MEMO1: variants seen among roughly 807,000 people sequenced by gnomAD.
The protein encoded by MEMO1 is mediator of cell motility 1, also known as protein MEMO1.
A neutral mutation model predicts 45.2 loss-of-function variants in MEMO1; 6 were observed. The ratio of observed to expected loss-of-function variants is 0.13; its 90% CI spans 0.07 to 0.26. The LOEUF (loss-of-function observed/expected upper bound fraction) is 0.26, where lower values mean the gene tolerates loss of function less well. Ranked by LOEUF, MEMO1 falls within the 10% of genes least tolerant of loss-of-function variation. The pLI is 1.00. For missense variants in MEMO1, 184 were observed against 370.5 expected (o/e 0.50, Z 4.13); for synonymous variants, 78 against 124.3 (o/e 0.63, Z 2.48).
chr2:31,923,852 C>A, intron 4 of MEMO1: 1 of 1,222,038 alleles, frequency 8.2e-7, no homozygotes, highest in Non-Finnish European at 1.1e-6. Context: ...AGATACACTG[C>A]TCCAGAAATA....
At chr2:31,914,245 A>C (rs1248762719) in intron 6 of MEMO1, among the ~76,000 whole-genome samples, 1 of 152,198 alleles carries the variant, frequency 6.6e-6, no homozygotes, top group Non-Finnish European at 1.5e-5. Context: ...CAAATTTCCA[A>C]ACTATAGAAT....
chr2:31,962,485 T>C (rs1238448989), intron 2 of MEMO1, among the ~76,000 whole-genome samples: 1 of 152,190 alleles, frequency 6.6e-6, no homozygotes, highest in East Asian at 1.9e-4. Context: ...TAAGTTTTCA[T>C]TCTATGCTTC....
rs148712551 is a variant in MEMO1, at chr2:31,966,278, T to C, written c.62-22895A>G. On this transcript the variant is annotated intron_variant, in intron 2 of 9. Coordinates refer to ENST00000404530, the MANE Select transcript of MEMO1 (RefSeq NM_001301833.4). ...CCTCCACTGTTTAAATAGAGACTTA[T>C]TTTAGGATGAACAGAATTTTACTAA... Among the ~76,000 whole-genome samples, 339 of 152,322 alleles carry C rather than the reference T, an allele frequency of 2.2e-3. 1 individual carries two copies. The highest frequency in any genetic ancestry group is 0.02 in the Middle Eastern group (6 of 294).
At chr2:31,913,618 A>C (rs1680961267) in intron 6 of MEMO1, among the ~76,000 whole-genome samples, 1 of 152,056 alleles carries the variant, frequency 6.6e-6, no homozygotes, top group South Asian at 2.1e-4. Flanking sequence ...TAAAGTACTG[A>C]AAATGGCAAG....
chr2:31,971,756 G>C (rs772628205), intron 2 of MEMO1, among the ~76,000 whole-genome samples: 1 of 152,152 alleles, frequency 6.6e-6, no homozygotes, highest in Non-Finnish European at 1.5e-5. Context: ...GATTACCTGA[G>C]GTCAGGAGTT....
chr2:31,974,475 G>A lies in MEMO1; in HGVS notation c.62-31092C>T, dbSNP rs1176926711. Among the ~76,000 whole-genome samples the A allele has an allele frequency of 3.3e-5, 5 of 152,108 alleles. No homozygotes were observed. The East Asian group carries it at 5.8e-4, about 18-fold the overall frequency. Reference sequence around the variant, plus strand: ...AATTAAAACATTTGCGGCCGGGCACGGTGACTCACGCCTGTAATCCCAGTA... The same window carrying A: ...AATTAAAACATTTGCGGCCGGGCACAGTGACTCACGCCTGTAATCCCAGTA... On this transcript the variant is annotated intron_variant, in intron 2 of 9. Coordinates refer to ENST00000404530, the MANE Select transcript of MEMO1 (RefSeq NM_001301833.4).
At chr2:32,010,036 C>T (rs1674647770) in intron 2 of MEMO1, 151 bp downstream of exon 2, 1 of 200,672 alleles carries the variant, frequency 5.0e-6, no homozygotes, top group Non-Finnish European at 8.7e-6. Flanking sequence ...GGCCTCGGCT[C>T]GCTCCCTCCC....
intron 2 of MEMO1, among the ~76,000 whole-genome samples, chr2:31,977,636 C>A (rs1240317250): frequency 6.6e-6 from 1 of 152,126 alleles, no homozygotes; most frequent in Non-Finnish European, 1.5e-5. Context: ...GCCTCAGCCT[C>A]CCAAGTAGCT....
chr2:31,928,755 C>T (rs1683503042), intron 4 of MEMO1, among the ~76,000 whole-genome samples: 1 of 152,012 alleles, frequency 6.6e-6, no homozygotes, highest in African/African-American at 2.4e-5. Context: ...AAACTATTAG[C>T]ATTCGTTATA....
At chr2:31,931,800 GAA>G (rs1664208706) in intron 4 of MEMO1, among the ~76,000 whole-genome samples, 1 of 151,850 alleles carries the variant, frequency 6.6e-6, no homozygotes, top group Non-Finnish European at 1.5e-5. Context: ...GGTTTTCAAA[GAA>G]ATATCAAAAA....
intron 7 of MEMO1, among the ~76,000 whole-genome samples, chr2:31,884,226 C>T (rs1000252200): frequency 3.3e-5 from 5 of 152,098 alleles, no homozygotes; most frequent in African/African-American, 9.7e-5. Context: ...CTGTTTCCTA[C>T]TAGTTACATG....
chr2:31,923,873 G>C (rs922223665), intron 4 of MEMO1: 1 of 1,097,798 alleles, frequency 9.1e-7, no homozygotes, highest in Non-Finnish European at 1.2e-6. Context: ...AACACCAGAG[G>C]TCTGCTGGAA....
intron 9 of MEMO1, 141 bp from the exon 10 acceptor site, chr2:31,868,633 T>C: frequency 1.4e-6 from 1 of 707,368 alleles, no homozygotes; most frequent in Non-Finnish European, 2.1e-6. Flanking sequence ...ATTTCTCTTG[T>C]TGCATCATAT....
intron 2 of MEMO1, chr2:31,963,156 C>G (rs776935891): frequency 2.6e-6 from 4 of 1,530,012 alleles, no homozygotes; most frequent in Non-Finnish European, 3.5e-6. Context: ...GCTTCAGACT[C>G]AAAGTGAAAC....
At position 31,868,426 on chromosome 2, in the gene MEMO1, T is replaced by C; in HGVS notation, c.829A>G (p.Ser277Gly). 2 of 1,602,062 alleles carry C rather than the reference T, an allele frequency of 1.2e-6. No homozygotes were observed. The highest frequency in any genetic ancestry group is 1.7e-6 in the Non-Finnish European group (2 of 1,174,598). The change falls in exon 10 of 10, where the codon AGC becomes GGC. Residue 277 changes from serine (S) to glycine (G), a missense_variant. Ser to Gly is a moderately conservative substitution (Grantham distance 56). Around this residue, in one of 3 missense-constraint regions of MEMO1, gnomAD observed 97 missense variants for 209.3 expected, o/e 0.46. Transcript: ENST00000404530. The part of the protein sequence containing the change: ...SFSFLNYAQS[S>G]QCRNWQDSSV... ...CTGTCTTGCCAGTTTCTACACTGGCTCGACTGGGCATAATTCAAAAACGAA... is the reference window on the plus strand; with the variant it reads ...CTGTCTTGCCAGTTTCTACACTGGCCCGACTGGGCATAATTCAAAAACGAA...
intron 6 of MEMO1, among the ~76,000 whole-genome samples, chr2:31,904,226 G>C (rs761128526): frequency 1.3e-5 from 2 of 152,182 alleles, no homozygotes; most frequent in African/African-American, 4.8e-5. Context: ...CTGTGAATTT[G>C]GTTTTTAGAA....
chr2:31,902,214 A>G (rs1678951052), intron 6 of MEMO1, among the ~76,000 whole-genome samples: 1 of 151,906 alleles, frequency 6.6e-6, no homozygotes, highest in Non-Finnish European at 1.5e-5. Context: ...GCCAGGAGTT[A>G]GAGACCAGCC....
chr2:31,923,278 A>C (rs1384032533), intron 4 of MEMO1, among the ~76,000 whole-genome samples: 1 of 152,092 alleles, frequency 6.6e-6, no homozygotes, highest in Non-Finnish European at 1.5e-5. Flanking sequence ...TCTTTTGAAA[A>C]GTGTCTGTTC....
chr2:32,002,940 G>A (rs1558570941), intron 2 of MEMO1, among the ~76,000 whole-genome samples: 1 of 152,040 alleles, frequency 6.6e-6, no homozygotes, highest in Non-Finnish European at 1.5e-5. Flanking sequence ...CTTTCTGCAA[G>A]GTAAAATAAT....
Sources: allele counts gnomAD v4.1 joint callset (sites outside exome capture counted in the v4.1 genomes callset), GRCh38; gene constraint gnomAD v4.1.1; regional missense constraint gnomAD v4.1.1; transcripts MANE v1.5; gene names NCBI Gene and HGNC (gene_info 2026-07-23, HGNC 2026-07-21).